SCOC: variants seen among roughly 807,000 people sequenced by gnomAD.
SCOC encodes the protein short coiled-coil protein, also known as short coiled coil protein.
SCOC carries 7 observed loss-of-function variants against 9.9 expected under a neutral mutation model. That is an observed-to-expected ratio of 0.71 (90% CI 0.40 to 1.33). The LOEUF (loss-of-function observed/expected upper bound fraction) is 1.33. Ranked by LOEUF, SCOC falls within the 40% of genes most tolerant of loss-of-function variation. The pLI, the probability that SCOC is intolerant of heterozygous loss-of-function variation, is 0.01. For missense variants in SCOC, 66 were observed against 89.7 expected (o/e 0.74, Z 1.07); for synonymous variants, 19 against 28.2 (o/e 0.67, Z 1.03).
At chr4:140,295,657 G>A (rs1205131158) in intron 1 of SCOC, among the ~76,000 whole-genome samples, 1 of 152,164 alleles carries the variant, frequency 6.6e-6, no homozygotes. Context: ...AAATCACCTG[G>A]AGCGAAGGGC....
chr4:140,257,997 C>T (rs80080345), intron 1 of SCOC, among the ~76,000 whole-genome samples: 1,839 of 152,324 alleles, frequency 0.012, 32 homozygotes, highest in African/African-American at 0.042. Context: ...GAGTGGGGTC[C>T]TCAGACAGTT....
At chr4:140,264,698 A>G (rs1730698030) in intron 1 of SCOC, among the ~76,000 whole-genome samples, 1 of 152,202 alleles carries the variant, frequency 6.6e-6, no homozygotes, top group Non-Finnish European at 1.5e-5. Context: ...CTCATCTGGG[A>G]TGTACACATC....
At chr4:140,268,964 A>G (rs1288335351) in intron 1 of SCOC, among the ~76,000 whole-genome samples, 3 of 152,200 alleles carry the variant, frequency 2.0e-5, no homozygotes, top group East Asian at 3.9e-4. Flanking sequence ...TGACGGGTAT[A>G]TGGATACTCA....
intron 1 of SCOC, among the ~76,000 whole-genome samples, chr4:140,319,590 T>C (rs1732438229): frequency 6.6e-6 from 1 of 152,286 alleles, no homozygotes; most frequent in African/African-American, 2.4e-5. Flanking sequence ...AGTTCTAATT[T>C]CCAAATATAC....
chr4:140,357,967 T>C (rs765653597), intron 2 of SCOC, among the ~76,000 whole-genome samples: 1 of 152,154 alleles, frequency 6.6e-6, no homozygotes, highest in Non-Finnish European at 1.5e-5. Context: ...CTTTCTGTGG[T>C]GTATGTCTCC....
intron 1 of SCOC, among the ~76,000 whole-genome samples, chr4:140,261,093 T>G (rs1730622940): frequency 6.6e-6 from 1 of 152,200 alleles, no homozygotes; most frequent in African/African-American, 2.4e-5. Flanking sequence ...TGATCCTCAT[T>G]CTTAGGAAGC....
chr4:140,287,254 C>T (rs1055058777), intron 1 of SCOC, among the ~76,000 whole-genome samples: 2 of 150,048 alleles, frequency 1.3e-5, no homozygotes, highest in African/African-American at 2.5e-5. Flanking sequence ...TACACACATG[C>T]TAAATGCGCA....
upstream of SCOC, chr4:140,373,346 T>C (rs1327271994): frequency 5.6e-6 from 8 of 1,422,184 alleles, no homozygotes; most frequent in Non-Finnish European, 6.4e-6. Context: ...AATTCTCAGG[T>C]TTCCTGATAG....
At chr4:140,257,501 AG>A (rs1194273946) in intron 1 of SCOC, 1 of 152,186 alleles carries the variant, frequency 6.6e-6, no homozygotes, top group East Asian at 1.9e-4. Flanking sequence ...GTTTGGGCCT[AG>A]GGGAGAGCCT....
intron 1 of SCOC, among the ~76,000 whole-genome samples, chr4:140,320,002 A>T (rs1310738319): frequency 6.6e-6 from 1 of 152,162 alleles, no homozygotes; most frequent in African/African-American, 2.4e-5. Flanking sequence ...AGGCATTTGA[A>T]CCGGAGCAAC....
At chr4:140,379,894 G>A (rs1304883762) in intron 3 of SCOC, among the ~76,000 whole-genome samples, 1 of 152,092 alleles carries the variant, frequency 6.6e-6, no homozygotes, top group East Asian at 1.9e-4. Flanking sequence ...GCTAGTATGA[G>A]ACCCCCTTTT....
intron 1 of SCOC, among the ~76,000 whole-genome samples, chr4:140,273,368 T>A (rs1024995994): frequency 6.6e-6 from 1 of 152,246 alleles, no homozygotes. Flanking sequence ...TAAATTCATA[T>A]CCTTAGTTCT....
chr4:140,274,262 G>C (rs1024116957), intron 1 of SCOC, among the ~76,000 whole-genome samples: 2 of 152,112 alleles, frequency 1.3e-5, no homozygotes, highest in Non-Finnish European at 2.9e-5. Context: ...TTATGAGAAA[G>C]GAATTTGAAA....
At chr4:140,322,009 C>A (rs13127119) in intron 1 of SCOC, among the ~76,000 whole-genome samples, 62,089 of 151,972 alleles carry the variant, frequency 0.41, 15,446 homozygotes, top group African/African-American at 0.71. Flanking sequence ...TGTGAGGATG[C>A]AGCAAGGAGC....
At chr4:140,328,419 G>A (rs533070541) in intron 1 of SCOC, among the ~76,000 whole-genome samples, 3 of 152,314 alleles carry the variant, frequency 2.0e-5, no homozygotes, top group South Asian at 4.1e-4. Flanking sequence ...ACCTCAGAGT[G>A]TAGGATAATA....
At chr4:140,355,637 C>T (rs1727195782) in intron 2 of SCOC, among the ~76,000 whole-genome samples, 1 of 152,148 alleles carries the variant, frequency 6.6e-6, no homozygotes, top group Non-Finnish European at 1.5e-5. Context: ...ATATGGTCCT[C>T]TAGTTATGTT....
At chr4:140,373,360 T>A, upstream of SCOC, 2 of 1,439,106 alleles carry the variant, frequency 1.4e-6, no homozygotes, top group Non-Finnish European at 1.8e-6. Flanking sequence ...CTGATAGACC[T>A]GATGAGCCGC....
At chr4:140,372,654 T>C (rs1049217294), upstream of SCOC, among the ~76,000 whole-genome samples, 4 of 152,256 alleles carry the variant, frequency 2.6e-5, no homozygotes, top group Admixed American at 6.5e-5. Context: ...GATATTTTTA[T>C]ATAGCTCTTA....
intron 2 of SCOC, among the ~76,000 whole-genome samples, chr4:140,353,041 T>G (rs1036449320): frequency 6.6e-6 from 1 of 152,158 alleles, no homozygotes; most frequent in East Asian, 1.9e-4. Flanking sequence ...AGGCTCCAGT[T>G]GGATGGGAGC....
Sources: allele counts gnomAD v4.1 joint callset (sites outside exome capture counted in the v4.1 genomes callset), GRCh38; gene constraint gnomAD v4.1.1; transcripts MANE v1.5; gene names NCBI Gene and HGNC (gene_info 2026-07-23, HGNC 2026-07-21).